CFH: variants seen among roughly 807,000 people sequenced by gnomAD.
The protein encoded by CFH is H factor 1 (complement).
CFH carries 53 observed loss-of-function variants against 147.3 expected under a neutral mutation model. That is an observed-to-expected ratio of 0.36 (90% CI 0.29 to 0.45). CFH has a LOEUF of 0.45. Among genes scored for constraint, CFH ranks in the 20% least tolerant of loss-of-function variants. The probability of loss-of-function intolerance (pLI) is 1.00; values close to 1 mark genes in which losing one functional copy is unlikely to be tolerated. For missense variants in CFH, 1,380 were observed against 1,498.0 expected, an observed-to-expected ratio of 0.92 and a Z score of 1.30; for synonymous variants, 536 against 489.4, an observed-to-expected ratio of 1.10 and a Z score of -1.26.
At chr1:196,740,040 C>T (rs1652757117) in intron 17 of CFH, among the ~76,000 whole-genome samples, 1 of 152,090 alleles carries the variant, frequency 6.6e-6, no homozygotes, top group African/African-American at 2.4e-5. Context: ...CCTTATAAAA[C>T]CATCAGATCT....
In CFH at chr1:196,736,932, A is replaced by C; in HGVS notation, c.2522A>C (p.Glu841Ala). Residue 841 changes from glutamate to alanine, a missense_variant, in exon 16 of 22, where the codon GAA becomes GCA. Transcript: ENST00000367429. ...GAAAAAGTATCTGTTCTTTGCCAAGAAAATTATCTAATTCAGGAAGGAGAA... is the reference window on the plus strand; with the variant it reads ...GAAAAAGTATCTGTTCTTTGCCAAGCAAATTATCTAATTCAGGAAGGAGAA... ...DGEKVSVLCQ[E>A]NYLIQEGEEI... 1 of 1,612,102 alleles carries C rather than the reference A, an allele frequency of 6.2e-7. No individual in the cohort carries two copies. The highest frequency in any genetic ancestry group is 2.2e-5 in the East Asian group (1 of 44,698).
In CFH at chr1:196,685,374, T is replaced by C. The variant is rs1558159792; in HGVS notation, c.964+137T>C. The C allele has an allele frequency of 4.3e-6, 4 of 931,440 alleles. No individual in the cohort carries two copies. In the Admixed American group the frequency reaches 6.5e-5, roughly 15 times the overall value. The allele number at this position is 931,440 out of a possible 1,614,324, so 57.7% of individuals were successfully genotyped here. A position where few individuals can be genotyped will look rare whatever the true frequency, so the allele number is the denominator to read the frequency against. ...AAGGCTGTTGGAAGCATTCTTTAGT[T>C]TTCGAAGTTGCCGAAACTCATATTT... On this transcript the variant is annotated intron_variant, in intron 7 of 21. Coordinates refer to ENST00000367429, the MANE Select transcript of CFH (RefSeq NM_000186.4).
intron 1 of CFH, among the ~76,000 whole-genome samples, chr1:196,658,331 T>C (rs553929632): frequency 6.6e-5 from 10 of 151,116 alleles, no homozygotes; most frequent in Non-Finnish European, 1.5e-4. Context: ...CACTGCAGCC[T>C]CGACCTCCTG....
chr1:196,699,728 T>C (rs1278361902), intron 9 of CFH, among the ~76,000 whole-genome samples: 2 of 152,214 alleles, frequency 1.3e-5, no homozygotes, highest in Non-Finnish European at 2.9e-5. Context: ...TGTTCCAGTA[T>C]CACTTGTTTA....
intron 20 of CFH, among the ~76,000 whole-genome samples, chr1:196,745,095 G>A (rs1652955132): frequency 6.6e-6 from 1 of 151,986 alleles, no homozygotes; most frequent in Non-Finnish European, 1.5e-5. Flanking sequence ...TGCTTTCAAG[G>A]TATTTTTTTC....
chr1:196,693,032 G>A (rs566052355), intron 9 of CFH, among the ~76,000 whole-genome samples: 1 of 151,250 alleles, frequency 6.6e-6, no homozygotes, highest in African/African-American at 2.4e-5. Flanking sequence ...AGGTTATTTA[G>A]CTACTTTACG....
intron 11 of CFH, among the ~76,000 whole-genome samples, chr1:196,724,248 CAG>C (rs1318887417): frequency 6.6e-6 from 1 of 151,812 alleles, no homozygotes; most frequent in Non-Finnish European, 1.5e-5. Context: ...AAGCAGGTGA[CAG>C]GGAATATTTG....
At chr1:196,736,041 CG>C (rs1669394789) in intron 15 of CFH, among the ~76,000 whole-genome samples, 1 of 151,846 alleles carries the variant, frequency 6.6e-6, no homozygotes, top group South Asian at 2.1e-4. Context: ...TAAACTCCCC[CG>C]TCAGTCAAAC....
At chr1:196,663,048 T>G (rs1666962188) in intron 1 of CFH, among the ~76,000 whole-genome samples, 1 of 152,214 alleles carries the variant, frequency 6.6e-6, no homozygotes, top group Admixed American at 6.5e-5. Context: ...ATTACTGCTT[T>G]TAAATTAATA....
At chr1:196,653,485 T>C (rs970678210) in intron 1 of CFH, among the ~76,000 whole-genome samples, 8 of 151,998 alleles carry the variant, frequency 5.3e-5, no homozygotes, top group Non-Finnish European at 1.0e-4. Flanking sequence ...TTTATGGGAA[T>C]GTTTCTAACG....
intron 1 of CFH, among the ~76,000 whole-genome samples, chr1:196,671,478 A>AGGTAAC (rs1219918737): frequency 3.3e-5 from 5 of 151,812 alleles, no homozygotes; most frequent in African/African-American, 1.2e-4. Context: ...CCTGGGTAAC[A>AGGTAAC]CTTTTAGTTT....
At chr1:196,723,001 T>C (rs1438927190) in intron 11 of CFH, among the ~76,000 whole-genome samples, 1 of 152,244 alleles carries the variant, frequency 6.6e-6, no homozygotes, top group East Asian at 1.9e-4. Flanking sequence ...TTTCTTTGTG[T>C]TGCTTTTCAA....
intron 6 of CFH, among the ~76,000 whole-genome samples, chr1:196,684,434 G>A (rs550148852): frequency 6.6e-6 from 1 of 152,020 alleles, no homozygotes; most frequent in Non-Finnish European, 1.5e-5. Flanking sequence ...CATGTTCACT[G>A]TCAATGTAGA....
intron 9 of CFH, among the ~76,000 whole-genome samples, chr1:196,694,558 T>C (rs1668185250): frequency 6.6e-6 from 1 of 152,172 alleles, no homozygotes. Flanking sequence ...TCTCTGGTTC[T>C]TGATCTTTGA....
At chr1:196,716,694 G>A (rs1285029078) in intron 11 of CFH, among the ~76,000 whole-genome samples, 1 of 152,020 alleles carries the variant, frequency 6.6e-6, no homozygotes, top group Non-Finnish European at 1.5e-5. Context: ...TAAATGTTGG[G>A]TGTGAAAAAG....
In CFH at chr1:196,713,861, C is replaced by T; in HGVS notation, c.1463C>T (p.Thr488Ile). 9 of 1,612,688 alleles carry T rather than the reference C, an allele frequency of 5.6e-6. No homozygotes were observed. Among genetic ancestry groups the T allele is most frequent in the Non-Finnish European group, 7.6e-6 (9 of 1,179,194 alleles). The change falls in exon 10 of 22, where the codon ACA (threonine) becomes ATA (isoleucine). Residue 488 changes from threonine to isoleucine, a missense_variant. Physicochemically the swap from Thr to Ile is moderately conservative, Grantham distance 89. Transcript: ENST00000367429. ...GGATATGTAACAGCAGATGGTGAAA[C>T]ATCAGGATCAATTACATGTGGGAAA... The part of the protein sequence containing the change: ...KLGYVTADGE[T>I]SGSITCGKDG...
rs1177619671 is a variant in CFH, at chr1:196,713,982, C to CT, written c.1519+70dup. The CT allele has an allele frequency of 2.2e-5, 30 of 1,383,950 alleles. No individual in the cohort carries two copies. In the South Asian group the frequency reaches 2.8e-4, roughly 13 times the overall value. The allele number at this position is 1,383,950 out of a possible 1,614,324, so 85.7% of individuals were successfully genotyped here. On this transcript the variant is annotated intron_variant, in intron 10 of 21. Transcript: ENST00000367429. ...TACACAAAAGTTTACTAACTTTAGT[C>CT]TTTTTGTGGGGGCTGATATAATTTC...
intron 11 of CFH, among the ~76,000 whole-genome samples, chr1:196,719,769 T>A (rs1387277972): frequency 6.6e-6 from 1 of 151,794 alleles, no homozygotes; most frequent in East Asian, 1.9e-4. Flanking sequence ...AATTATCAAA[T>A]TTATTAAACA....
In CFH at chr1:196,673,839, C is replaced by CT. The variant is rs35507625; in HGVS notation, c.245-9dup. On this transcript the variant is annotated splice_polypyrimidine_tract_variant and intron_variant, in intron 2 of 21. Coordinates refer to ENST00000367429, the MANE Select transcript of CFH (RefSeq NM_000186.4). ...CTTGCTATTACATACTAATTCATAA[C>CT]TTTTTTTTTCGTTTTAGAAAGGCCC... is the stretch of plus-strand genomic sequence containing the variant. The CT allele has an allele frequency of 1.6e-3, 2,359 of 1,478,290 alleles. 6 individuals are homozygous for CT. The highest frequency in any genetic ancestry group is 0.012 in the African/African-American group (844 of 72,174). 91.6% of individuals were successfully genotyped at this position (1,478,290 alleles called of 1,614,324 possible).
Sources: gnomAD v4.1 joint callset for allele counts (sites outside exome capture counted in the v4.1 genomes callset) on GRCh38, gnomAD v4.1.1 for gene constraint, MANE v1.5 for transcripts, NCBI Gene and HGNC (gene_info 2026-07-23, HGNC 2026-07-21) for gene names.